C12orf42: variants seen among roughly 807,000 people sequenced by gnomAD.
C12orf42 encodes the protein uncharacterized protein C12orf42.
In C12orf42, 25 loss-of-function variants were observed where a neutral mutation model predicts 21.6. That is an observed-to-expected ratio of 1.16 (90% CI 0.84 to 1.62). The LOEUF is 1.62. Among genes scored for constraint, C12orf42 ranks in the 40% most tolerant of loss-of-function variants. The pLI, the probability that C12orf42 is intolerant of heterozygous loss-of-function variation, is 0.00. For missense variants in C12orf42, 483 were observed against 459.3 expected, an observed-to-expected ratio of 1.05 and a Z score of -0.47; for synonymous variants, 174 against 175.0, an observed-to-expected ratio of 0.99 and a Z score of 0.05.
the C12orf42 span, among the ~76,000 whole-genome samples, chr12:103,541,346 C>T: frequency 6.6e-6 from 1 of 152,164 alleles, no homozygotes; most frequent in Non-Finnish European, 1.5e-5. Context: ...GAGTTATGCT[C>T]CCCATAATGA....
At chr12:103,452,424 C>T (rs781206664) in intron 2 of C12orf42, among the ~76,000 whole-genome samples, 8 of 152,068 alleles carry the variant, frequency 5.3e-5, no homozygotes, top group Non-Finnish European at 1.0e-4. Context: ...GAAATAGATT[C>T]CACCTCTCGA....
chr12:103,233,638 T>C (rs890855811), downstream of C12orf42, among the ~76,000 whole-genome samples: 1 of 152,200 alleles, frequency 6.6e-6, no homozygotes, highest in Admixed American at 6.5e-5. Context: ...TTGCTGGTGT[T>C]CAAAAAAGTG....
intron 2 of C12orf42, among the ~76,000 whole-genome samples, chr12:103,476,703 A>G (rs1001420447): frequency 3.9e-5 from 6 of 152,220 alleles, no homozygotes; most frequent in Non-Finnish European, 5.9e-5. Context: ...AGATTAAATA[A>G]TGTAAAGAAC....
chr12:103,521,631 A>G, the C12orf42 span, among the ~76,000 whole-genome samples: 1 of 152,182 alleles, frequency 6.6e-6, no homozygotes, highest in African/African-American at 2.4e-5. Flanking sequence ...ACCATGGCTC[A>G]TGTTTACCTA....
At chr12:103,441,025 C>T (rs959470295) in intron 2 of C12orf42, among the ~76,000 whole-genome samples, 2 of 152,156 alleles carry the variant, frequency 1.3e-5, no homozygotes, top group African/African-American at 4.8e-5. Context: ...AAATAAACTA[C>T]TTTTCATTTA....
intron 4 of C12orf42, among the ~76,000 whole-genome samples, chr12:103,308,610 G>T (rs1346915751): frequency 6.6e-6 from 1 of 152,188 alleles, no homozygotes; most frequent in Non-Finnish European, 1.5e-5. Flanking sequence ...ATCTGATTGG[G>T]TGAGGTGTTA....
At chr12:103,162,871 A>G in the C12orf42 span, 6 of 152,228 alleles carry the variant, frequency 3.9e-5, no homozygotes, top group African/African-American at 1.4e-4. Flanking sequence ...TTTTCTGCTT[A>G]GCATCTGAAC....
intron 4 of C12orf42, among the ~76,000 whole-genome samples, chr12:103,367,388 A>G (rs1012291400): frequency 6.6e-5 from 10 of 151,706 alleles, no homozygotes; most frequent in African/African-American, 2.2e-4. Flanking sequence ...ACAAATCACC[A>G]CTAAAGAACT....
chr12:103,401,555 C>G, intron 3 of C12orf42, 52 bp downstream of exon 3: 2 of 1,511,954 alleles, frequency 1.3e-6, no homozygotes, highest in Middle Eastern at 1.7e-4. Flanking sequence ...CAACTGAACC[C>G]TAAAGGACGG....
At chr12:103,134,357 A>G in the C12orf42 span, among the ~76,000 whole-genome samples, 2 of 152,092 alleles carry the variant, frequency 1.3e-5, no homozygotes, top group African/African-American at 2.4e-5. Context: ...AAATAATACC[A>G]AGAGATTAGA....
At chr12:103,448,320 G>T (rs965704138) in intron 2 of C12orf42, among the ~76,000 whole-genome samples, 1 of 152,016 alleles carries the variant, frequency 6.6e-6, no homozygotes, top group South Asian at 2.1e-4. Context: ...TTAAATCTAA[G>T]ACCTGAAACC....
Position 103,401,502 on chromosome 12 carries a change from TAAAGTCAA to T in C12orf42, c.147+97_147+104del, listed in dbSNP as rs1327945593. ...AATGTAAAAAATCCTTTACTAGCTA[TAAAGTCAA>T]AAATACAAAGAAACAAATCTGCTTA... On this transcript the variant is annotated intron_variant, in intron 3 of 5. Transcript: ENST00000548883. The T allele has an allele frequency of 4.2e-5, 39 of 919,948 alleles. 1 individual carries two copies. The highest frequency in any genetic ancestry group is 2.8e-4 in the South Asian group (18 of 63,554). The allele number at this position is 919,948 out of a possible 1,614,324, so 57.0% of individuals were successfully genotyped here. A position where few individuals can be genotyped will look rare whatever the true frequency, so the allele number is the denominator to read the frequency against.
At chr12:103,545,302 T>C in the C12orf42 span, among the ~76,000 whole-genome samples, 3 of 152,214 alleles carry the variant, frequency 2.0e-5, no homozygotes, top group South Asian at 2.1e-4. Flanking sequence ...TTGAAGCAGA[T>C]GTTGGGTATA....
intron 4 of C12orf42, among the ~76,000 whole-genome samples, chr12:103,338,412 A>G (rs2041904039): frequency 6.6e-6 from 1 of 152,126 alleles, no homozygotes; most frequent in African/African-American, 2.4e-5. Context: ...CAGATTTTGC[A>G]TTTTCCTGCT....
At chr12:103,474,371 GTCTGGCTGATTGAATATATATATATA>G (rs1269871692) in intron 2 of C12orf42, among the ~76,000 whole-genome samples, 3 of 152,054 alleles carry the variant, frequency 2.0e-5, no homozygotes, top group Non-Finnish European at 4.4e-5. Context: ...CAGAAAGAGA[GTCTGGCTGATTGAATATATATATATA>G]TATTCTTGAT....
the C12orf42 span, among the ~76,000 whole-genome samples, chr12:103,103,183 C>T: frequency 2.0e-5 from 3 of 152,148 alleles, no homozygotes; most frequent in Admixed American, 1.3e-4. Flanking sequence ...TCCTTCCAAG[C>T]TCAAGCATAG....
the C12orf42 span, among the ~76,000 whole-genome samples, chr12:103,221,777 C>G: frequency 6.6e-6 from 1 of 152,140 alleles, no homozygotes; most frequent in Non-Finnish European, 1.5e-5. Flanking sequence ...GAGGAGAGTT[C>G]TTTTCCATTG....
chr12:103,434,572 G>C (rs1332001012), intron 2 of C12orf42, among the ~76,000 whole-genome samples: 3 of 152,166 alleles, frequency 2.0e-5, no homozygotes, highest in Non-Finnish European at 4.4e-5. Context: ...AGCAGGGCGA[G>C]GCATTGCCTC....
upstream of C12orf42, among the ~76,000 whole-genome samples, chr12:103,496,347 A>T (rs921662543): frequency 1.3e-5 from 2 of 152,194 alleles, no homozygotes; most frequent in African/African-American, 2.4e-5. Flanking sequence ...TGCATCCAGG[A>T]ATAATGCAGC....
Sources: allele counts gnomAD v4.1 joint callset (sites outside exome capture counted in the v4.1 genomes callset), GRCh38; gene constraint gnomAD v4.1.1; transcripts MANE v1.5; gene names NCBI Gene and HGNC (gene_info 2026-07-23, HGNC 2026-07-21).